Variants in TBC1D21 observed in about 807,000 individuals in gnomAD.
TBC1D21 encodes the protein male germ cell Rab GTPase-activating protein.
Under a neutral mutation model 46.0 loss-of-function variants are expected in TBC1D21, and 38 were observed. That is an observed-to-expected ratio of 0.83 (90% CI 0.64 to 1.08). TBC1D21 has a LOEUF of 1.08. Among genes scored for constraint, TBC1D21 ranks in the 50% least tolerant of loss-of-function variants. TBC1D21 has a pLI of 0.00. For synonymous variants in TBC1D21, 151 were observed against 157.2 expected (o/e 0.96, Z 0.29); for missense variants, 415 against 417.9 (o/e 0.99, Z 0.06).
the TBC1D21 span, among the ~76,000 whole-genome samples, chr15:73,894,441 T>C: frequency 6.6e-6 from 1 of 152,240 alleles, no homozygotes; most frequent in Admixed American, 6.5e-5. Flanking sequence ...CCCCAGTAAG[T>C]GTGGGAGGGC....
intron 1 of TBC1D21, among the ~76,000 whole-genome samples, chr15:73,877,553 A>C (rs56259168): frequency 0.46 from 41,341 of 89,092 alleles, 12,490 homozygotes; most frequent in Middle Eastern, 0.61. Context: ...AAAAAAAAGA[A>C]ATCCCTACTC....
Position 73,884,181 on chromosome 15 carries a change from T to A in TBC1D21, c.303T>A (p.Tyr101Ter). Residue 101 changes from tyrosine to a stop codon, truncating the protein, a stop_gained, in exon 4 of 11, where the codon TAT (tyrosine) becomes TAA (stop). Transcript: ENST00000300504. LOFTEE classifies it high-confidence loss of function. ...ACTACAAGGCCTTATGCCAAATGTATGAGAAGATTCAGCCCCTTCTGGAAA... is the reference window on the plus strand; with the variant it reads ...ACTACAAGGCCTTATGCCAAATGTAAGAGAAGATTCAGCCCCTTCTGGAAA... ...RKNYKALCQM[Y>*]EKIQPLLENL... The A allele has an allele frequency of 6.2e-7, 1 of 1,614,176 alleles. No homozygotes were observed. The highest frequency in any genetic ancestry group is 2.2e-5 in the East Asian group (1 of 44,876).
At position 73,886,631 on chromosome 15, in the gene TBC1D21, G is replaced by C; in HGVS notation, c.777+19G>C. On this transcript the variant is annotated intron_variant, in intron 8 of 10. Transcript: ENST00000300504. The stretch of plus-strand genomic sequence containing the variant: ...CTGGGAGGTGAGGTGTCCAGCTAGG[G>C]ATCATCAGGCTGGGCTCCACCCATC... The C allele has an allele frequency of 6.2e-7, 1 of 1,607,706 alleles. No individual in the cohort carries two copies. Among genetic ancestry groups the C allele is most frequent in the Non-Finnish European group, 8.5e-7 (1 of 1,175,250 alleles).
chr15:73,893,857 C>G (rs2068355888), downstream of TBC1D21, among the ~76,000 whole-genome samples: 1 of 152,242 alleles, frequency 6.6e-6, no homozygotes, highest in Non-Finnish European at 1.5e-5. Context: ...CAAAGGACAG[C>G]TGGTGGGCTG....
intron 9 of TBC1D21, 117 bp from the exon 10 acceptor site, chr15:73,888,313 G>A (rs898386762): frequency 2.8e-5 from 23 of 810,206 alleles, no homozygotes; most frequent in Middle Eastern, 3.1e-4. Context: ...GGTCCCCAGC[G>A]ACTGCTGTGA....
chr15:73,877,311 T>C (rs1325149778), intron 1 of TBC1D21, among the ~76,000 whole-genome samples: 2 of 152,034 alleles, frequency 1.3e-5, no homozygotes, highest in African/African-American at 4.8e-5. Flanking sequence ...AGTTGGAAGA[T>C]GTCCTGTTCC....
chr15:73,876,199 GTTTTTTTTT>G (rs539517539), intron 1 of TBC1D21, among the ~76,000 whole-genome samples: 377 of 28,318 alleles, frequency 0.013, 113 homozygotes, highest in Non-Finnish European at 0.047. Context: ...TTTTTTGTGG[GTTTTTTTTT>G]TTTTTTTTTT....
chr15:73,875,842 G>A (rs1312635448), intron 1 of TBC1D21, among the ~76,000 whole-genome samples: 1 of 152,188 alleles, frequency 6.6e-6, no homozygotes, highest in Non-Finnish European at 1.5e-5. Flanking sequence ...ATGGAAAAGG[G>A]TGTTATTAGG....
At position 73,888,578 on chromosome 15, in the gene TBC1D21, C is replaced by G. The variant is rs556028941; in HGVS notation, c.978+65C>G. 779 of 1,057,928 alleles carry G rather than the reference C, an allele frequency of 7.4e-4. 3 individuals carry two copies. Among genetic ancestry groups the G allele is most frequent in the East Asian group, 1.5e-3 (59 of 39,098 alleles). 65.5% of individuals were successfully genotyped at this position (1,057,928 alleles called of 1,614,324 possible). A position where few individuals can be genotyped will look rare whatever the true frequency, so the allele number is the denominator to read the frequency against. On this transcript the variant is annotated intron_variant, in intron 10 of 10. Coordinates refer to ENST00000300504, the MANE Select transcript of TBC1D21 (RefSeq NM_153356.3). ...TCCTCCTCCTCTTCCTCCTCCTCCT[C>G]CTCTTCCTCCTCCTCCTCCTCCTCC...
chr15:73,904,171 C>T, the TBC1D21 span, among the ~76,000 whole-genome samples: 1 of 152,222 alleles, frequency 6.6e-6, no homozygotes, highest in Non-Finnish European at 1.5e-5. Context: ...CCTTGGGCTT[C>T]CTGCCCCATC....
chr15:73,908,320 A>C, the TBC1D21 span: 1 of 152,296 alleles, frequency 6.6e-6, no homozygotes, highest in Non-Finnish European at 1.5e-5. Flanking sequence ...GGGTATATGC[A>C]CATTTGTGAG....
intron 5 of TBC1D21, 25 bp from the exon 6 acceptor site, chr15:73,884,978 C>CAACA: frequency 6.3e-7 from 1 of 1,597,118 alleles, no homozygotes; most frequent in Non-Finnish European, 8.6e-7. Context: ...CCAGCCCCTC[C>CAACA]TCCCCAACCC....
chr15:73,892,325 A>G (rs4257159), downstream of TBC1D21, among the ~76,000 whole-genome samples: 4,803 of 152,336 alleles, frequency 0.032, 93 homozygotes, highest in Non-Finnish European at 0.049. Flanking sequence ...TGAAAGAGCT[A>G]TAACACAAAG....
chr15:73,885,533 G>A (rs916870772), intron 6 of TBC1D21, among the ~76,000 whole-genome samples: 1 of 151,978 alleles, frequency 6.6e-6, no homozygotes, highest in Non-Finnish European at 1.5e-5. Context: ...GCACACCAGG[G>A]GACTCAATAG....
At chr15:73,876,205 T>G (rs1567062254) in intron 1 of TBC1D21, among the ~76,000 whole-genome samples, 730 of 21,954 alleles carry the variant, frequency 0.033, 171 homozygotes, top group African/African-American at 0.04. Flanking sequence ...GTGGGTTTTT[T>G]TTTTTTTTTT....
downstream of TBC1D21, among the ~76,000 whole-genome samples, chr15:73,891,144 G>A (rs2068333481): frequency 6.6e-6 from 1 of 152,160 alleles, no homozygotes; most frequent in South Asian, 2.1e-4. Context: ...CTGCTATGCA[G>A]GTCCTTAAAA....
At chr15:73,887,796 C>T (rs924248843) in intron 9 of TBC1D21, 60 bp downstream of exon 9, 1 of 1,440,612 alleles carries the variant, frequency 6.9e-7, no homozygotes. Flanking sequence ...CACCCCACCC[C>T]ACCCCAGCTG....
intron 3 of TBC1D21, among the ~76,000 whole-genome samples, chr15:73,883,070 G>C (rs781693642): frequency 6.6e-6 from 1 of 152,238 alleles, no homozygotes; most frequent in South Asian, 2.1e-4. Flanking sequence ...TCAGAGGAAC[G>C]GACTCCTTTG....
At chr15:73,877,957 A>G (rs188406624) in intron 1 of TBC1D21, among the ~76,000 whole-genome samples, 84 of 152,362 alleles carry the variant, frequency 5.5e-4, no homozygotes, top group African/African-American at 1.9e-3. Flanking sequence ...TAGAGTTCAC[A>G]TCATACTGAA....
Sources: gnomAD v4.1 joint callset for allele counts (sites outside exome capture counted in the v4.1 genomes callset) on GRCh38, gnomAD v4.1.1 for gene constraint, MANE v1.5 for transcripts, NCBI Gene and HGNC (gene_info 2026-07-23, HGNC 2026-07-21) for gene names.